The following TMPPE variants were observed in gnomAD, a reference collection of about 807,000 sequenced individuals.
The protein encoded by TMPPE is transmembrane protein with metallophosphoesterase domain.
In TMPPE, 16 loss-of-function variants were observed where a neutral mutation model predicts 22.6. That is an observed-to-expected ratio of 0.71 (90% CI 0.48 to 1.08). The LOEUF is 1.08. TMPPE is among the 50% of genes least tolerant of loss of function. TMPPE has a pLI of 0.00. For synonymous variants in TMPPE, 240 were observed against 245.3 expected (o/e 0.98, Z 0.20); for missense variants, 526 against 584.3 (o/e 0.90, Z 1.03).
chr3:33,096,767 G>C lies in TMPPE; in HGVS notation c.-157C>G. On this transcript the variant is annotated 5_prime_UTR_variant, in exon 1 of 2. Coordinates refer to ENST00000342462, the MANE Select transcript of TMPPE (RefSeq NM_001039770.3). ...ATGGGGAAGTGGATCCAAGCGCAAAGGGCGGCCGGAGCGGAACGCACAAGC... is the reference window on the plus strand; with the variant it reads ...ATGGGGAAGTGGATCCAAGCGCAAACGGCGGCCGGAGCGGAACGCACAAGC... 7.6e-7 allele frequency: 1 copy of C among 1,323,724 alleles called. No individual in the cohort carries two copies. Among genetic ancestry groups the C allele is most frequent in the Non-Finnish European group, 9.6e-7 (1 of 1,041,030 alleles). The allele number at this position is 1,323,724 out of a possible 1,614,324, so 82.0% of individuals were successfully genotyped here.
Position 33,090,440 on chromosome 3 carries a change from A to C in TMPPE, c.*2394T>G. 1.0e-6 allele frequency: 1 copy of C among 985,474 alleles called. No individual in the cohort carries two copies. 61.0% of individuals were successfully genotyped at this position (985,474 alleles called of 1,614,324 possible). A position where few individuals can be genotyped will look rare whatever the true frequency, so the allele number is the denominator to read the frequency against. On this transcript the variant is annotated 3_prime_UTR_variant, in exon 2 of 2. Coordinates refer to ENST00000342462, the MANE Select transcript of TMPPE (RefSeq NM_001039770.3). ...ATGGGTATTTGGAAGGAATGGCAGC[A>C]GGATCAATTTATTGAGATTTTGTGA...
rs1251330495 is a variant in TMPPE, at chr3:33,091,271, G to T, written c.*1563C>A. 1 of 985,360 alleles carries T rather than the reference G, an allele frequency of 1.0e-6. No homozygotes were observed. Among genetic ancestry groups the T allele is most frequent in the African/African-American group, 1.7e-5 (1 of 57,222 alleles). The allele number at this position is 985,360 out of a possible 1,614,324, so 61.0% of individuals were successfully genotyped here. ...ATGGCCCACTGTCAATACCGTGGCT[G>T]CCTGGGAACAAAAAGGGTGGTCTCC... On this transcript the variant is annotated 3_prime_UTR_variant, in exon 2 of 2. Transcript: ENST00000342462.
Position 33,093,201 on chromosome 3 carries a change from G to A in TMPPE, c.995C>T (p.Ala332Val), listed in dbSNP as rs1412320665. 1.2e-6 allele frequency: 2 copies of A among 1,613,802 alleles called. No homozygotes were observed. The highest frequency in any genetic ancestry group is 1.7e-6 in the Non-Finnish European group (2 of 1,179,966). The change falls in exon 2 of 2, where the codon GCT becomes GTT. Residue 332 changes from alanine to valine, a missense_variant. Coordinates refer to ENST00000342462, the MANE Select transcript of TMPPE (RefSeq NM_001039770.3). This position sits in a 1 kb window ranked among gnomAD's most constrained non-coding sequence, Gnocchi z 6.0. ...GSEDEDWICLAGVDDIEADIL... is the reference protein window; with the variant it reads ...GSEDEDWICLVGVDDIEADIL... ...GTCTGCTTCAATATCGTCCACCCCA[G>A]CCAAGCAGATCCAGTCCTCATCCTC...
At chr3:33,096,505 A>G (rs1701034186) in intron 1 of TMPPE, 1 of 985,340 alleles carries the variant, frequency 1.0e-6, no homozygotes, top group African/African-American at 1.7e-5. Flanking sequence ...GAAAGGAACA[A>G]GATGCACGAA....
At position 33,090,864 on chromosome 3, in the gene TMPPE, G is replaced by GGGTA. The variant is rs1306399395; in HGVS notation, c.*1966_*1969dup. 5.1e-6 allele frequency: 5 copies of GGGTA among 985,228 alleles called. No individual in the cohort carries two copies. The East Asian group carries it at 3.4e-4, about 67-fold the overall frequency. 61.0% of individuals were successfully genotyped at this position (985,228 alleles called of 1,614,324 possible). A position where few individuals can be genotyped will look rare whatever the true frequency, so the allele number is the denominator to read the frequency against. On this transcript the variant is annotated 3_prime_UTR_variant, in exon 2 of 2. Transcript: ENST00000342462. The stretch of plus-strand genomic sequence containing the variant: ...AAGCAAGGACTTCAGAGTGGATGAA[G>GGGTA]GGTACATAAGACCACACAATGATGG...
At position 33,091,422 on chromosome 3, in the gene TMPPE, C is replaced by A; in HGVS notation, c.*1412G>T. On this transcript the variant is annotated 3_prime_UTR_variant, in exon 2 of 2. Transcript: ENST00000342462. ...TAGCAGTTGCTGCTTTGACACATCACCTGCCCCAGCAGCAGGCAGCTCGCT... is the reference window on the plus strand; with the variant it reads ...TAGCAGTTGCTGCTTTGACACATCAACTGCCCCAGCAGCAGGCAGCTCGCT... 1.0e-6 allele frequency: 1 copy of A among 985,524 alleles called. No individual in the cohort carries two copies. The highest frequency in any genetic ancestry group is 1.2e-6 in the Non-Finnish European group (1 of 829,996). 61.0% of individuals were successfully genotyped at this position (985,524 alleles called of 1,614,324 possible).
chr3:33,093,883 A>T lies in TMPPE; in HGVS notation c.313T>A (p.Phe105Ile). 1.9e-6 allele frequency: 3 copies of T among 1,613,942 alleles called. No individual in the cohort carries two copies. Among genetic ancestry groups the T allele is most frequent in the Non-Finnish European group, 2.5e-6 (3 of 1,179,922 alleles). ...AGATAGGGCTCTTCGGCCACTAAAAAGAACATGGTAAAGAAACTGGAATGG... is the reference window on the plus strand; with the variant it reads ...AGATAGGGCTCTTCGGCCACTAAAATGAACATGGTAAAGAAACTGGAATGG... ...LAHSSFFTMFFLVAEEPYLFS... is the reference protein window; with the variant it reads ...LAHSSFFTMFILVAEEPYLFS... The change falls in exon 2 of 2, where the codon TTT becomes ATT. Residue 105 changes from phenylalanine (F) to isoleucine (I), a missense_variant. Physicochemically the swap from Phe to Ile is conservative, Grantham distance 21. Transcript: ENST00000342462. This position sits in a 1 kb window ranked among gnomAD's most constrained non-coding sequence, Gnocchi z 6.0.
Position 33,092,715 on chromosome 3 carries a change from A to C in TMPPE, c.*119T>G. 6.8e-7 allele frequency: 1 copy of C among 1,474,354 alleles called. No individual in the cohort carries two copies. Among genetic ancestry groups the C allele is most frequent in the Non-Finnish European group, 9.0e-7 (1 of 1,116,272 alleles). The allele number at this position is 1,474,354 out of a possible 1,614,324, so 91.3% of individuals were successfully genotyped here. On this transcript the variant is annotated 3_prime_UTR_variant, in exon 2 of 2. Transcript: ENST00000342462. ...ACTGTTTGAGTCAGGCTTGTGACCA[A>C]GGGTGTGTAGGCAAGGATGAGTGGG... is the stretch of plus-strand genomic sequence containing the variant.
At position 33,092,445 on chromosome 3, in the gene TMPPE, CA is replaced by C; in HGVS notation, c.*388del. On this transcript the variant is annotated 3_prime_UTR_variant, in exon 2 of 2. Coordinates refer to ENST00000342462, the MANE Select transcript of TMPPE (RefSeq NM_001039770.3). Reference sequence around the variant, plus strand: ...AGTCCTAAAGACAATTTTAAAACACCAGGAGAAAAATGCTCCTGCTCCTCCC... The same window carrying C: ...AGTCCTAAAGACAATTTTAAAACACCGGAGAAAAATGCTCCTGCTCCTCCC... 9.9e-7 allele frequency: 1 copy of C among 1,007,722 alleles called. No individual in the cohort carries two copies. Among genetic ancestry groups the C allele is most frequent in the South Asian group, 4.5e-5 (1 of 22,120 alleles). 62.4% of individuals were successfully genotyped at this position (1,007,722 alleles called of 1,614,324 possible). A position where few individuals can be genotyped will look rare whatever the true frequency, so the allele number is the denominator to read the frequency against.
intron 1 of TMPPE, 100 bp downstream of exon 1, chr3:33,096,619 G>C (rs1031123402): frequency 9.4e-7 from 1 of 1,065,134 alleles, no homozygotes; most frequent in African/African-American, 1.7e-5. Flanking sequence ...CACCAACTGG[G>C]AAAGCGAGGG....
chr3:33,095,751 T>A (rs1181598225), intron 1 of TMPPE, among the ~76,000 whole-genome samples: 2 of 152,126 alleles, frequency 1.3e-5, no homozygotes, highest in Admixed American at 6.5e-5. Context: ...GATCTGCCTT[T>A]CCCCTAGCCC....
At position 33,096,796 on chromosome 3, in the gene TMPPE, C is replaced by T. The variant is rs1483739333; in HGVS notation, c.-186G>A. 25 of 1,348,870 alleles carry T rather than the reference C, an allele frequency of 1.9e-5. No homozygotes were observed. Among genetic ancestry groups the T allele is most frequent in the Non-Finnish European group, 2.4e-5 (25 of 1,054,660 alleles). 83.6% of individuals were successfully genotyped at this position (1,348,870 alleles called of 1,614,324 possible). ...GGCCGGAGCGGAACGCACAAGCGACCGAGCTGCCTGGAAGGACGCGCGCCC... is the reference window on the plus strand; with the variant it reads ...GGCCGGAGCGGAACGCACAAGCGACTGAGCTGCCTGGAAGGACGCGCGCCC... On this transcript the variant is annotated 5_prime_UTR_variant, in exon 1 of 2. Coordinates refer to ENST00000342462, the MANE Select transcript of TMPPE (RefSeq NM_001039770.3).
At position 33,094,214 on chromosome 3, in the gene TMPPE, GC is replaced by G; in HGVS notation, c.-20del. ...TGGCCATTTTCTCTGCTCCTAGTAG[GC>G]TCCCCCACCAGTTCTGTGCTGGTGG... is the stretch of plus-strand genomic sequence containing the variant. On this transcript the variant is annotated 5_prime_UTR_variant, in exon 2 of 2. Transcript: ENST00000342462. The G allele has an allele frequency of 6.3e-7, 1 of 1,578,754 alleles. No homozygotes were observed. The highest frequency in any genetic ancestry group is 8.6e-7 in the Non-Finnish European group (1 of 1,159,748).
rs1017355096 is a variant in TMPPE at position 33,091,706 on chromosome 3, C to T, written c.*1128G>A. 1.1e-5 allele frequency: 11 copies of T among 985,158 alleles called. No individual in the cohort carries two copies. The highest frequency in any genetic ancestry group is 6.2e-5 in the Admixed American group (1 of 16,250). 61.0% of individuals were successfully genotyped at this position (985,158 alleles called of 1,614,324 possible). ...GAGTGAGGGAAAGTCACCCACCCAA[C>T]GCTGCCCTATGAGTGAGCAGCAGGG... is the stretch of plus-strand genomic sequence containing the variant. On this transcript the variant is annotated 3_prime_UTR_variant, in exon 2 of 2. Transcript: ENST00000342462.
At position 33,093,337 on chromosome 3, in the gene TMPPE, T is replaced by C; in HGVS notation, c.859A>G (p.Asn287Asp). The change falls in exon 2 of 2, where the codon AAC (asparagine) becomes GAC (aspartate). Residue 287 changes from asparagine to aspartate, a missense_variant. Asn to Asp is a conservative substitution (Grantham distance 23). Transcript: ENST00000342462. This position sits in a 1 kb window ranked among gnomAD's most constrained non-coding sequence, Gnocchi z 6.0. ...NHEYYTSDVS[N>D]WFALLESLHV... is the part of the protein sequence containing the mutation. ...AGGGATTCCAGAAGTGCAAACCAGT[T>C]GCTGACATCTGACGTGTAGTACTCA... 6.2e-7 allele frequency: 1 copy of C among 1,614,134 alleles called. No homozygotes were observed.
chr3:33,096,201 C>T (rs575637029), intron 1 of TMPPE: 1 of 182,418 alleles, frequency 5.5e-6, no homozygotes, highest in African/African-American at 2.4e-5. Context: ...CTTGCAACTA[C>T]CCACTCTCCT....
Position 33,092,140 on chromosome 3 carries a change from A to T in TMPPE, c.*694T>A. 9 of 985,592 alleles carry T rather than the reference A, an allele frequency of 9.1e-6. No individual in the cohort carries two copies. The highest frequency in any genetic ancestry group is 1.1e-5 in the Non-Finnish European group (9 of 830,114). The allele number at this position is 985,592 out of a possible 1,614,324, so 61.1% of individuals were successfully genotyped here. On this transcript the variant is annotated 3_prime_UTR_variant, in exon 2 of 2. Coordinates refer to ENST00000342462, the MANE Select transcript of TMPPE (RefSeq NM_001039770.3). The stretch of plus-strand genomic sequence containing the variant: ...AGCCATGTTCTCACCATCACCGACC[A>T]TGGCGCCCACCGTTCTTCTCCCCTG...
At position 33,091,380 on chromosome 3, in the gene TMPPE, G is replaced by A. The variant is rs1700754028; in HGVS notation, c.*1454C>T. On this transcript the variant is annotated 3_prime_UTR_variant, in exon 2 of 2. Coordinates refer to ENST00000342462, the MANE Select transcript of TMPPE (RefSeq NM_001039770.3). ...TTTGCCTGCCAGAATGCACATGAGG[G>A]AAGGAAGGCAAACCCCTAGCAGTTG... 2.0e-6 allele frequency: 2 copies of A among 985,352 alleles called. No individual in the cohort carries two copies. The highest frequency in any genetic ancestry group is 4.7e-5 in the South Asian group (1 of 21,282). 61.0% of individuals were successfully genotyped at this position (985,352 alleles called of 1,614,324 possible).
rs777274100 is a variant in TMPPE at position 33,093,452 on chromosome 3, G to A, written c.744C>T (p.Ser248=). 7.4e-6 allele frequency: 12 copies of A among 1,613,950 alleles called. No homozygotes were observed. The highest frequency in any genetic ancestry group is 6.7e-5 in the Admixed American group (4 of 59,976). ...TCCGCAGGACCGAGGCTTCTGAGTC[G>A]GAGAGGTCACCCACAATCACCGTGA... ...PDITVIVGDL[S]DSEASVLRTA... is the part of the protein sequence containing the mutation. The change falls in exon 2 of 2, where the codon TCC becomes TCT. Residue 248 remains serine (S), a synonymous_variant. Transcript: ENST00000342462. This position sits in a 1 kb window ranked among gnomAD's most constrained non-coding sequence, Gnocchi z 6.0.
Sources: gnomAD v4.1 joint callset for allele counts (sites outside exome capture counted in the v4.1 genomes callset) on GRCh38, gnomAD v4.1.1 for gene constraint, Gnocchi (gnomAD v3.1) non-coding constraint, MANE v1.5 for transcripts, NCBI Gene and HGNC (gene_info 2026-07-23, HGNC 2026-07-21) for gene names.